The following ASTN2 variants were observed in gnomAD, a reference collection of about 807,000 sequenced individuals.
ASTN2 encodes the protein astrotactin-2.
In ASTN2, 54 loss-of-function variants were observed where a neutral mutation model predicts 139.8. That is an observed-to-expected ratio of 0.39 (90% confidence interval 0.31 to 0.48). The LOEUF is 0.48. Among genes scored for constraint, ASTN2 ranks in the 20% least tolerant of loss-of-function variants. The pLI, the probability that ASTN2 is intolerant of heterozygous loss-of-function variation, is 0.95. For missense variants in ASTN2, 1,565 were observed against 1,725.1 expected, an observed-to-expected ratio of 0.91 and a Z score of 1.64; for synonymous variants, 756 against 719.5, an observed-to-expected ratio of 1.05 and a Z score of -0.81.
At chr9:116,611,125 A>G (rs1169526356) in intron 19 of ASTN2, 1 of 152,204 alleles carries the variant, frequency 6.6e-6, no homozygotes, top group African/African-American at 2.4e-5. Context: ...TCAACAACAA[A>G]AATTTCTGAA....
At chr9:116,652,776 C>T (rs927427779) in intron 16 of ASTN2, among the ~76,000 whole-genome samples, 6 of 152,188 alleles carry the variant, frequency 3.9e-5, no homozygotes, top group African/African-American at 9.7e-5. Flanking sequence ...TTACCTGTTT[C>T]CTTGTTCACA....
intron 10 of ASTN2, among the ~76,000 whole-genome samples, chr9:116,884,211 T>C (rs1309326003): frequency 6.6e-6 from 1 of 152,052 alleles, no homozygotes; most frequent in Non-Finnish European, 1.5e-5. Context: ...AGATCTAAAC[T>C]TGGGGACTTA....
At chr9:116,978,705 T>TAAAC (rs1836427064) in intron 7 of ASTN2, among the ~76,000 whole-genome samples, 1 of 151,966 alleles carries the variant, frequency 6.6e-6, no homozygotes, top group Non-Finnish European at 1.5e-5. Flanking sequence ...AAAACAAGAA[T>TAAAC]AAACACTCAG....
intron 19 of ASTN2, among the ~76,000 whole-genome samples, chr9:116,564,323 G>A (rs1156313213): frequency 1.3e-5 from 2 of 152,176 alleles, no homozygotes; most frequent in African/African-American, 2.4e-5. Context: ...CCAGTCATGG[G>A]ATGGATAAAT....
At chr9:116,972,567 C>A (rs1836241604) in intron 10 of ASTN2, among the ~76,000 whole-genome samples, 14 of 152,152 alleles carry the variant, frequency 9.2e-5, no homozygotes, top group Admixed American at 9.2e-4. Flanking sequence ...TAACACTCCA[C>A]AGGTTTACAT....
chr9:117,282,948 G>C (rs996361720), intron 2 of ASTN2, among the ~76,000 whole-genome samples: 1 of 150,676 alleles, frequency 6.6e-6, no homozygotes, highest in African/African-American at 2.5e-5. Context: ...GGTGTTTTCA[G>C]CTCCAAGATC....
intron 10 of ASTN2, among the ~76,000 whole-genome samples, chr9:116,941,892 C>G (rs955072024): frequency 1.3e-5 from 2 of 150,940 alleles, no homozygotes; most frequent in South Asian, 4.2e-4. Flanking sequence ...GATAGCCAGA[C>G]GACATGAGCA....
intron 15 of ASTN2, among the ~76,000 whole-genome samples, chr9:116,727,251 A>G (rs908648362): frequency 2.0e-5 from 3 of 152,074 alleles, no homozygotes; most frequent in Non-Finnish European, 4.4e-5. Context: ...CTCCCTGCAC[A>G]CCCACCCCAA....
intron 10 of ASTN2, among the ~76,000 whole-genome samples, chr9:116,896,544 C>G (rs1833883328): frequency 6.6e-6 from 1 of 152,128 alleles, no homozygotes; most frequent in Non-Finnish European, 1.5e-5. Flanking sequence ...GTCTCAAACT[C>G]TTGACCTCAG....
intron 17 of ASTN2, among the ~76,000 whole-genome samples, chr9:116,622,679 T>G (rs749153541): frequency 8.5e-5 from 13 of 152,222 alleles, no homozygotes; most frequent in African/African-American, 1.2e-4. Context: ...TAATCCCAAG[T>G]AGGGTTGCCA....
At chr9:117,241,318 C>T (rs1405962712) in intron 2 of ASTN2, among the ~76,000 whole-genome samples, 1 of 152,162 alleles carries the variant, frequency 6.6e-6, no homozygotes, top group Non-Finnish European at 1.5e-5. Flanking sequence ...AAGGATCCAT[C>T]TGGTTTCATT....
chr9:116,663,756 G>A (rs1186851648), intron 16 of ASTN2, among the ~76,000 whole-genome samples: 1 of 152,126 alleles, frequency 6.6e-6, no homozygotes, highest in Non-Finnish European at 1.5e-5. Flanking sequence ...CAGGACAGAT[G>A]TTCTGCTACT....
At chr9:116,845,610 C>T (rs1427717015) in intron 11 of ASTN2, among the ~76,000 whole-genome samples, 1 of 152,138 alleles carries the variant, frequency 6.6e-6, no homozygotes, top group Non-Finnish European at 1.5e-5. Flanking sequence ...ATACAAACAG[C>T]CAATTGGCAC....
Position 117,104,965 on chromosome 9 carries a change from G to C in ASTN2, c.1169-8814C>G, listed in dbSNP as rs146198703. Among the ~76,000 whole-genome samples, 442 of 152,242 alleles carry C rather than the reference G, an allele frequency of 2.9e-3. 2 individuals carry two copies. Among genetic ancestry groups the C allele is most frequent in the African/African-American group, 0.01 (427 of 41,558 alleles). On this transcript the variant is annotated intron_variant, in intron 4 of 22. Transcript: ENST00000313400. ...TTTTGGCTTAAATAACTACTTACGA[G>C]GGAGAAGCTCACCAATCTAGCTTAA...
At chr9:117,286,119 T>G (rs892816703) in intron 2 of ASTN2, among the ~76,000 whole-genome samples, 1 of 152,092 alleles carries the variant, frequency 6.6e-6, no homozygotes, top group Non-Finnish European at 1.5e-5. Context: ...AAGAGTAGAA[T>G]TATATGACCA....
chr9:117,381,432 T>A (rs1374312510), intron 1 of ASTN2, among the ~76,000 whole-genome samples: 1 of 152,138 alleles, frequency 6.6e-6, no homozygotes, highest in African/African-American at 2.4e-5. Context: ...CACAGAATCA[T>A]GGGGGTGGAT....
chr9:116,815,744 G>T (rs1402213172), intron 12 of ASTN2, among the ~76,000 whole-genome samples: 1 of 135,606 alleles, frequency 7.4e-6, no homozygotes, highest in Non-Finnish European at 1.5e-5. Context: ...GGCGGAGCTT[G>T]TAGTGAGTGG....
intron 13 of ASTN2, among the ~76,000 whole-genome samples, chr9:116,779,114 C>T (rs1830155058): frequency 2.5e-5 from 1 of 39,482 alleles, no homozygotes; most frequent in South Asian, 6.9e-4. Flanking sequence ...ACCACTCTCC[C>T]CATATCTCTG....
intron 3 of ASTN2, among the ~76,000 whole-genome samples, chr9:117,175,350 T>G (rs376956823): frequency 6.6e-6 from 1 of 152,244 alleles, no homozygotes. Context: ...GGATGAGAAG[T>G]CTAAGTTTTG....
Sources: gnomAD v4.1 joint callset for allele counts (sites outside exome capture counted in the v4.1 genomes callset) on GRCh38, gnomAD v4.1.1 for gene constraint, MANE v1.5 for transcripts, NCBI Gene and HGNC (gene_info 2026-07-23, HGNC 2026-07-21) for gene names.